The following PACS2 variants were observed in gnomAD, a reference collection of about 807,000 sequenced individuals.
PACS2 encodes phosphofurin acidic cluster sorting protein 2, also known as PACS1-like protein.
A neutral mutation model predicts 113.0 loss-of-function variants in PACS2; 36 were observed. The ratio of observed to expected loss-of-function variants is 0.32; its 90% CI spans 0.24 to 0.42. The LOEUF (loss-of-function observed/expected upper bound fraction) is 0.42. Among genes scored for constraint, PACS2 ranks in the 10% least tolerant of loss-of-function variants. The pLI is 1.00. For missense variants in PACS2, 1,015 were observed against 1,239.5 expected (o/e 0.82, Z 2.72); for synonymous variants, 589 against 536.1 (o/e 1.10, Z -1.36).
chr14:105,302,901 G>A (rs1383396435), intron 1 of PACS2, among the ~76,000 whole-genome samples: 4 of 151,810 alleles, frequency 2.6e-5, no homozygotes, highest in Non-Finnish European at 2.9e-5. Context: ...AAAGTGCTGG[G>A]ATTACAGGCA....
At chr14:105,322,041 G>A (rs892008503) in intron 1 of PACS2, among the ~76,000 whole-genome samples, 10 of 151,414 alleles carry the variant, frequency 6.6e-5, no homozygotes, top group African/African-American at 1.9e-4. Context: ...GGGTTCAAGC[G>A]ATTCTCCTGC....
In PACS2 at chr14:105,343,569, T is replaced by C. The variant is rs587643777; in HGVS notation, c.120-4924T>C. ...ATGTTTTTTAAGCCATTCTAATAGG[T>C]GTAGTTGGTATCTCGTTTGGTTTTA... is the stretch of plus-strand genomic sequence containing the variant. On this transcript the variant is annotated intron_variant, in intron 1 of 24. Transcript: ENST00000447393. 4.6e-5 allele frequency among the ~76,000 whole-genome samples: 7 copies of C among 152,298 alleles called. No homozygotes were observed. The South Asian group carries it at 1.2e-3, about 27-fold the overall frequency.
chr14:105,362,253 C>T lies in PACS2; in HGVS notation c.424-4960C>T, dbSNP rs1409826847. On this transcript the variant is annotated intron_variant, in intron 4 of 24. Transcript: ENST00000447393. ...CTAACACAGTGAAACACCGTCTCTA[C>T]TGAAAATATAAAAAATTAGCTGGGC... Among the ~76,000 whole-genome samples the T allele has an allele frequency of 3.6e-3, 532 of 148,626 alleles. 7 individuals carry two copies. The highest frequency in any genetic ancestry group is 0.013 in the African/African-American group (514 of 39,874).
In PACS2 at chr14:105,352,365, T is replaced by C; in HGVS notation, c.208-13T>C. 1 of 1,580,126 alleles carries C rather than the reference T, an allele frequency of 6.3e-7. No individual in the cohort carries two copies. The highest frequency in any genetic ancestry group is 8.7e-7 in the Non-Finnish European group (1 of 1,149,162). The stretch of plus-strand genomic sequence containing the variant: ...CAGTCCTTTGAGCTAGAACAGGTCT[T>C]GCTTAATCACAGGGCTCCAAACGAA... On this transcript the variant is annotated splice_polypyrimidine_tract_variant and intron_variant, in intron 2 of 24. Coordinates refer to ENST00000447393, the MANE Select transcript of PACS2 (RefSeq NM_001100913.3).
chr14:105,307,849 A>G (rs746101652), intron 1 of PACS2, among the ~76,000 whole-genome samples: 4 of 152,190 alleles, frequency 2.6e-5, no homozygotes, highest in African/African-American at 7.2e-5. Context: ...CCGCAACTCG[A>G]GTGAGACTTG....
chr14:105,320,108 G>T (rs2058832848), intron 1 of PACS2, among the ~76,000 whole-genome samples: 1 of 152,042 alleles, frequency 6.6e-6, no homozygotes, highest in Admixed American at 6.6e-5. Flanking sequence ...CTCCCAAGTA[G>T]CTGGGACTAC....
At chr14:105,353,759 A>G (rs1483984148) in intron 3 of PACS2, among the ~76,000 whole-genome samples, 2 of 151,230 alleles carry the variant, frequency 1.3e-5, no homozygotes, top group African/African-American at 2.4e-5. Context: ...ACGCCCGGCT[A>G]TTTTTCGTAT....
rs1249917182 is a variant in PACS2 at position 105,354,947 on chromosome 14, A to C, written c.298-105A>C. 7 of 1,136,406 alleles carry C rather than the reference A, an allele frequency of 6.2e-6. No homozygotes were observed. In the African/African-American group the frequency reaches 9.3e-5, roughly 15 times the overall value. 70.4% of individuals were successfully genotyped at this position (1,136,406 alleles called of 1,614,324 possible). On this transcript the variant is annotated intron_variant, in intron 3 of 24. Transcript: ENST00000447393. The surrounding 1 kb of genome is among the most constrained non-coding windows in gnomAD (Gnocchi z 4.2). Reference sequence around the variant, plus strand: ...GTGCCCTTCCGATCTCATGGGCAGCAGGTTGGCCTGGTCGCAGGCTGCAGG... The same window carrying C: ...GTGCCCTTCCGATCTCATGGGCAGCCGGTTGGCCTGGTCGCAGGCTGCAGG...
In PACS2 at chr14:105,348,236, G is replaced by A. The variant is rs1322272484; in HGVS notation, c.120-257G>A. Among the ~76,000 whole-genome samples, 2 of 152,186 alleles carry A rather than the reference G, an allele frequency of 1.3e-5. No individual in the cohort carries two copies. The highest frequency in any genetic ancestry group is 6.5e-5 in the Admixed American group (1 of 15,286). On this transcript the variant is annotated intron_variant, in intron 1 of 24. Coordinates refer to ENST00000447393, the MANE Select transcript of PACS2 (RefSeq NM_001100913.3). This position sits in a 1 kb window ranked among gnomAD's most constrained non-coding sequence, Gnocchi z 6.4. ...CACTGAGTGAGTTCCATGGGAGGGAGGCTCACCCTCAGGGGCCTTCAGGAG... is the reference window on the plus strand; with the variant it reads ...CACTGAGTGAGTTCCATGGGAGGGAAGCTCACCCTCAGGGGCCTTCAGGAG...
At chr14:105,314,420 A>AC (rs1413852067), upstream of PACS2, 1 of 105,410 alleles carries the variant, frequency 9.5e-6, no homozygotes, top group Non-Finnish European at 1.9e-5. Context: ...GACCCGGTGG[A>AC]CCCCCACGAC....
Position 105,358,459 on chromosome 14 carries a change from T to C in PACS2, c.423+3282T>C, listed in dbSNP as rs1438942382. The stretch of plus-strand genomic sequence containing the variant: ...GTGGGGCCTTCTCCTGTGGTGTGGC[T>C]CTCAGAACTCACCCCAGCACCCGTA... On this transcript the variant is annotated intron_variant, in intron 4 of 24. Coordinates refer to ENST00000447393, the MANE Select transcript of PACS2 (RefSeq NM_001100913.3). The surrounding 1 kb of genome is among the most constrained non-coding windows in gnomAD (Gnocchi z 4.9). 6.6e-6 allele frequency among the ~76,000 whole-genome samples: 1 copy of C among 152,112 alleles called. No homozygotes were observed. Among genetic ancestry groups the C allele is most frequent in the African/African-American group, 2.4e-5 (1 of 41,424 alleles).
intron 21 of PACS2, 136 bp downstream of exon 21, chr14:105,391,385 C>T: frequency 4.1e-6 from 3 of 731,560 alleles, no homozygotes; most frequent in South Asian, 1.6e-5. Flanking sequence ...TGTGGTGCTT[C>T]TGTCCTGCGG....
In PACS2 at chr14:105,330,615, A is replaced by G. The variant is rs2059272100; in HGVS notation, c.119+15578A>G. On this transcript the variant is annotated intron_variant, in intron 1 of 24. Coordinates refer to ENST00000447393, the MANE Select transcript of PACS2 (RefSeq NM_001100913.3). This position sits in a 1 kb window ranked among gnomAD's most constrained non-coding sequence, Gnocchi z 6.9. ...CAGCTAGTGCAGCCTAGGCCACACC[A>G]GCATGACCCCTCGCCCCTGTCTCCA... 6.6e-6 allele frequency among the ~76,000 whole-genome samples: 1 copy of G among 152,186 alleles called. No individual in the cohort carries two copies.
chr14:105,362,714 G>A (rs1167319996), intron 4 of PACS2, among the ~76,000 whole-genome samples: 4 of 152,036 alleles, frequency 2.6e-5, no homozygotes, highest in Admixed American at 6.6e-5. Context: ...AGCCAGGCGT[G>A]GTGGCGGGCC....
At chr14:105,351,264 A>G (rs587757341) in intron 2 of PACS2, among the ~76,000 whole-genome samples, 10 of 152,340 alleles carry the variant, frequency 6.6e-5, no homozygotes, top group African/African-American at 1.9e-4. Context: ...AGCACGTTCA[A>G]TCCATTAGGA....
intron 1 of PACS2, among the ~76,000 whole-genome samples, chr14:105,304,825 T>C (rs2058138884): frequency 6.6e-6 from 1 of 152,228 alleles, no homozygotes; most frequent in South Asian, 2.1e-4. Flanking sequence ...AAACTCCCTC[T>C]TATAAAACCG....
intron 1 of PACS2, among the ~76,000 whole-genome samples, chr14:105,334,498 G>A (rs988746035): frequency 6.6e-6 from 1 of 152,120 alleles, no homozygotes; most frequent in Non-Finnish European, 1.5e-5. Context: ...TGTCTACGTA[G>A]AGCTCCACCT....
rs782784847 is a variant in PACS2, at chr14:105,394,519, AG to A, written c.2597-29del. 9 of 1,607,442 alleles carry A rather than the reference AG, an allele frequency of 5.6e-6. No individual in the cohort carries two copies. In the African/African-American group the frequency reaches 8.0e-5, roughly 14 times the overall value. ...GGTGGATAGGGTGGGCAGGCCGGGC[AG>A]GGGGGCAGGCGGTCAGGCAGCCCTC... On this transcript the variant is annotated intron_variant, in intron 24 of 24. Transcript: ENST00000447393.
chr14:105,391,073 G>A (rs1555414685), intron 20 of PACS2, 134 bp from the exon 21 acceptor site: 1 of 694,720 alleles, frequency 1.4e-6, no homozygotes, highest in Non-Finnish European at 2.6e-6. Flanking sequence ...AAGGGCAGGA[G>A]GGAGCTGGCA....
Sources: allele counts gnomAD v4.1 joint callset (sites outside exome capture counted in the v4.1 genomes callset), GRCh38; gene constraint gnomAD v4.1.1; non-coding constraint Gnocchi (gnomAD v3.1); transcripts MANE v1.5; gene names NCBI Gene and HGNC (gene_info 2026-07-23, HGNC 2026-07-21).